The following LRMDA variants were observed in gnomAD, a reference collection of about 807,000 sequenced individuals.
LRMDA encodes the protein leucine rich melanocyte differentiation associated, also known as leucine-rich melanocyte differentiation-associated protein.
In LRMDA, 18 loss-of-function variants were observed where a neutral mutation model predicts 29.8. That is an observed-to-expected ratio of 0.60 (90% CI 0.42 to 0.90). LRMDA has a LOEUF of 0.90. Among genes scored for constraint, LRMDA ranks in the 40% least tolerant of loss-of-function variants. The pLI is 0.00. For missense variants in LRMDA, 273 were observed against 273.9 expected (o/e 1.00, Z 0.02); for synonymous variants, 125 against 109.4 (o/e 1.14, Z -0.89).
chr10:76,101,759 A>C (rs979695501), intron 5 of LRMDA, among the ~76,000 whole-genome samples: 2 of 152,126 alleles, frequency 1.3e-5, no homozygotes, highest in Non-Finnish European at 2.9e-5. Context: ...TATTAAGATG[A>C]AATTCATATT....
At chr10:76,267,706 G>A (rs1840023353) in intron 5 of LRMDA, among the ~76,000 whole-genome samples, 1 of 152,150 alleles carries the variant, frequency 6.6e-6, no homozygotes, top group African/African-American at 2.4e-5. Context: ...CTGGAATGAA[G>A]ATGTGGATTC....
chr10:76,022,894 A>G (rs1847998234), intron 2 of LRMDA, among the ~76,000 whole-genome samples: 1 of 152,184 alleles, frequency 6.6e-6, no homozygotes, highest in South Asian at 2.1e-4. Context: ...GACAATGGAC[A>G]ATGCTGGGCA....
chr10:75,466,499 C>T (rs1282887582), intron 2 of LRMDA, among the ~76,000 whole-genome samples: 1 of 152,192 alleles, frequency 6.6e-6, no homozygotes, highest in African/African-American at 2.4e-5. Flanking sequence ...TTCCACCAGC[C>T]TTGGGCTGTT....
At chr10:76,047,880 C>G (rs1022486321) in intron 4 of LRMDA, among the ~76,000 whole-genome samples, 1 of 152,240 alleles carries the variant, frequency 6.6e-6, no homozygotes, top group Non-Finnish European at 1.5e-5. Flanking sequence ...GTGGCGCCCA[C>G]CAGCCATGCG....
chr10:76,185,630 G>T (rs556283739), intron 5 of LRMDA, among the ~76,000 whole-genome samples: 11 of 152,282 alleles, frequency 7.2e-5, no homozygotes, highest in African/African-American at 2.2e-4. Context: ...TTTGTGCGAG[G>T]GATATGTGAA....
chr10:75,684,456 G>A (rs1357280236), intron 2 of LRMDA, among the ~76,000 whole-genome samples: 1 of 152,196 alleles, frequency 6.6e-6, no homozygotes, highest in Non-Finnish European at 1.5e-5. Flanking sequence ...TCTGGGAAAT[G>A]ACTAGTGGTA....
intron 5 of LRMDA, among the ~76,000 whole-genome samples, chr10:76,184,085 C>T (rs1851102867): frequency 6.6e-6 from 1 of 150,914 alleles, no homozygotes; most frequent in South Asian, 2.1e-4. Context: ...GGCTGGAGTG[C>T]AGTGGCACAA....
At chr10:75,990,623 G>A (rs887216174) in intron 2 of LRMDA, among the ~76,000 whole-genome samples, 1 of 152,166 alleles carries the variant, frequency 6.6e-6, no homozygotes, top group African/African-American at 2.4e-5. Context: ...GGATGCCATT[G>A]GAATGGCTCC....
chr10:75,777,483 T>C (rs528078621), intron 2 of LRMDA, among the ~76,000 whole-genome samples: 4 of 152,360 alleles, frequency 2.6e-5, no homozygotes, highest in South Asian at 2.1e-4. Flanking sequence ...ATGGCATCTG[T>C]GCCTGGCAGA....
chr10:75,773,050 A>G (rs1843265432), intron 2 of LRMDA, among the ~76,000 whole-genome samples: 1 of 152,204 alleles, frequency 6.6e-6, no homozygotes, highest in South Asian at 2.1e-4. Flanking sequence ...AAGTATCGTG[A>G]ATGTCTATAT....
chr10:75,436,014 G>GT (rs11405575), intron 1 of LRMDA, among the ~76,000 whole-genome samples: 18,223 of 149,174 alleles, frequency 0.12, 1,552 homozygotes, highest in Non-Finnish European at 0.18. Flanking sequence ...TGAGTTCAGA[G>GT]TTTGAGATCA....
chr10:76,186,613 C>T (rs1248412645), intron 5 of LRMDA, among the ~76,000 whole-genome samples: 6 of 152,202 alleles, frequency 3.9e-5, no homozygotes, highest in Admixed American at 3.9e-4. Flanking sequence ...TACTCTGTCA[C>T]TTCTTGGAGC....
chr10:75,675,925 C>A (rs1841954894), intron 2 of LRMDA, among the ~76,000 whole-genome samples: 1 of 152,182 alleles, frequency 6.6e-6, no homozygotes, highest in Non-Finnish European at 1.5e-5. Flanking sequence ...GTATGGCCTG[C>A]AGTTCACACT....
At chr10:76,489,013 T>C (rs1446783076) in intron 6 of LRMDA, among the ~76,000 whole-genome samples, 1 of 151,890 alleles carries the variant, frequency 6.6e-6, no homozygotes, top group African/African-American at 2.4e-5. Flanking sequence ...GGTATCAGAA[T>C]TGATACCAGA....
intron 2 of LRMDA, among the ~76,000 whole-genome samples, chr10:75,769,231 A>G (rs1843207193): frequency 6.6e-6 from 1 of 152,248 alleles, no homozygotes; most frequent in South Asian, 2.1e-4. Flanking sequence ...AAGTTATAAA[A>G]TTACATAAAA....
intron 2 of LRMDA, among the ~76,000 whole-genome samples, chr10:75,868,003 T>G (rs752064979): frequency 3.3e-5 from 5 of 152,218 alleles, no homozygotes; most frequent in Non-Finnish European, 7.3e-5. Flanking sequence ...TCTTTTGATT[T>G]TTTTTAACCA....
chr10:75,997,849 G>A (rs1026620951), intron 2 of LRMDA, among the ~76,000 whole-genome samples: 3 of 152,316 alleles, frequency 2.0e-5, no homozygotes, highest in Non-Finnish European at 4.4e-5. Context: ...TTGTCATTCT[G>A]CTTCACGTCA....
Position 75,669,433 on chromosome 10 carries a change from A to G in LRMDA, c.131+230939A>G, listed in dbSNP as rs547399428. 2.0e-5 allele frequency among the ~76,000 whole-genome samples: 3 copies of G among 152,288 alleles called. No individual in the cohort carries two copies. In the East Asian group the frequency reaches 5.8e-4, roughly 29 times the overall value. ...TCTAGAAAGGCTGAAAAAACCATAC[A>G]TGGCCTCCCCAGGTCTGCATTTAGA... On this transcript the variant is annotated intron_variant, in intron 2 of 6. Coordinates refer to ENST00000611255, the MANE Select transcript of LRMDA (RefSeq NM_001305581.2).
At chr10:76,255,673 A>G (rs1280049155) in intron 5 of LRMDA, among the ~76,000 whole-genome samples, 1 of 152,240 alleles carries the variant, frequency 6.6e-6, no homozygotes, top group East Asian at 1.9e-4. Context: ...GATAGTGCAT[A>G]CAGTAGCTTT....
Sources: allele counts gnomAD v4.1 joint callset (sites outside exome capture counted in the v4.1 genomes callset), GRCh38; gene constraint gnomAD v4.1.1; transcripts MANE v1.5; gene names NCBI Gene and HGNC (gene_info 2026-07-23, HGNC 2026-07-21).